Variants in CNGA2 observed in about 807,000 individuals in gnomAD.
CNGA2 encodes cyclic nucleotide gated channel subunit alpha 2.
CNGA2 carries 22 observed loss-of-function variants against 35.9 expected under a neutral mutation model. The ratio of observed to expected loss-of-function variants is 0.61; its 90% CI spans 0.44 to 0.88. The LOEUF is 0.88. Ranked by LOEUF, CNGA2 falls within the 40% of genes least tolerant of loss-of-function variation. CNGA2 has a pLI of 0.00. For missense variants in CNGA2, 555 were observed against 530.8 expected (o/e 1.05, Z -0.45); for synonymous variants, 217 against 209.2 (o/e 1.04, Z -0.32).
In CNGA2 at chrX:151,743,248, C is replaced by T. The variant is rs780670790; in HGVS notation, c.745C>T (p.Arg249Cys). ...DIHSPEVRFN[R>C]LLHFARMFEF... ...CCACAGCCCTGAGGTGCGCTTCAAC[C>T]GCCTGCTGCACTTTGCCCGCATGTT... The change falls in exon 7 of 7, where the codon CGC becomes TGC. Residue 249 changes from arginine to cysteine, a missense_variant. By Grantham distance (180) the Arg-to-Cys change is radical (BLOSUM62 -3). Coordinates refer to ENST00000329903, the MANE Select transcript of CNGA2 (RefSeq NM_005140.3). 4.2e-6 allele frequency: 5 copies of T among 1,202,742 alleles called. No homozygotes were observed. The highest frequency in any genetic ancestry group is 2.3e-4 in the Middle Eastern group (1 of 4,366).
intron 1 of CNGA2, among the ~76,000 whole-genome samples, chrX:151,737,307 G>A (rs770710639): frequency 8.9e-6 from 1 of 112,245 alleles, no homozygotes; most frequent in Non-Finnish European, 1.9e-5. Flanking sequence ...GAGACACTGT[G>A]GGACACAATC....
chrX:151,740,306 A>G (rs1020599594), intron 4 of CNGA2, among the ~76,000 whole-genome samples: 14 of 112,550 alleles, frequency 1.2e-4, no homozygotes, highest in Non-Finnish European at 2.4e-4. Context: ...AGCAGGACAC[A>G]ACATCTGGGG....
intron 5 of CNGA2, among the ~76,000 whole-genome samples, chrX:151,741,836 C>T (rs2015307161): frequency 8.9e-6 from 1 of 112,358 alleles, no homozygotes; most frequent in Admixed American, 9.3e-5. Context: ...TGGGCCAGCT[C>T]TGCAGTCTCA....
chrX:151,742,460 G>A (rs1167166828), intron 5 of CNGA2, 76 bp from the exon 6 acceptor site: 2 of 755,592 alleles, frequency 2.6e-6, no homozygotes, highest in Non-Finnish European at 4.0e-6. Flanking sequence ...CCTGCACACA[G>A]TGAACACTCA....
rs144923757 is a variant in CNGA2, at chrX:151,738,784, C to T, written c.111-3C>T. ...TGGGTCAATTCTGCTCTTTTTTCTG[C>T]AGGCCACACTCTGCAGCTGACGATG... On this transcript the variant is annotated splice_region_variant and splice_polypyrimidine_tract_variant and intron_variant, in intron 2 of 6. Transcript: ENST00000329903. The T allele has an allele frequency of 2.6e-4, 299 of 1,161,026 alleles. 1 individual carries two copies. The African/African-American group carries it at 4.5e-3, about 17-fold the overall frequency.
In CNGA2 at chrX:151,740,889, T is replaced by C; in HGVS notation, c.470T>C (p.Leu157Pro). The part of the protein sequence containing the change: ...IAMPVLYNWC[L>P]LVARACFSDL... ...ATGCCCGTCCTTTACAACTGGTGCC[T>C]GCTGGTGGCCAGGTGAGCAGGGTGG... Residue 157 changes from leucine (L) to proline (P), a missense_variant, in exon 5 of 7, where the codon CTG (leucine) becomes CCG (proline). By Grantham distance (98) the Leu-to-Pro change is moderately conservative (BLOSUM62 -3). Coordinates refer to ENST00000329903, the MANE Select transcript of CNGA2 (RefSeq NM_005140.3). 8.3e-7 allele frequency: 1 copy of C among 1,209,481 alleles called. No homozygotes were observed. The highest frequency in any genetic ancestry group is 1.1e-6 in the Non-Finnish European group (1 of 893,584).
At position 151,744,507 on chromosome X, in the gene CNGA2, G is replaced by A. The variant is rs1160170580; in HGVS notation, c.*9G>A. 8.7e-7 allele frequency: 1 copy of A among 1,147,114 alleles called. No homozygotes were observed. The highest frequency in any genetic ancestry group is 2.0e-5 in the South Asian group (1 of 49,030). 94.5% of individuals were successfully genotyped at this position (1,147,114 alleles called of 1,213,427 possible). On this transcript the variant is annotated 3_prime_UTR_variant, in exon 7 of 7. Coordinates refer to ENST00000329903, the MANE Select transcript of CNGA2 (RefSeq NM_005140.3). ...CTGCTGACGAGCCATAAGACCTGGGGCCCAACTGCCTCTCCAGCATTGGCC... is the reference window on the plus strand; with the variant it reads ...CTGCTGACGAGCCATAAGACCTGGGACCCAACTGCCTCTCCAGCATTGGCC...
Position 151,744,271 on chromosome X carries a change from G to T in CNGA2, c.1768G>T (p.Ala590Ser), listed in dbSNP as rs187775416. ...KEGLLDENEV[A>S]TSMEVDVQEK... is the part of the protein sequence containing the mutation. ...GGGACTGCTGGATGAGAACGAAGTG[G>T]CAACCAGCATGGAGGTCGACGTGCA... The change falls in exon 7 of 7, where the codon GCA (alanine) becomes TCA (serine). Residue 590 changes from alanine (A) to serine (S), a missense_variant. By Grantham distance (99) the Ala-to-Ser change is moderately conservative (BLOSUM62 1). Transcript: ENST00000329903. 151 of 1,208,120 alleles carry T rather than the reference G, an allele frequency of 1.2e-4. 1 individual carries two copies. In the East Asian group the frequency reaches 3.1e-3, roughly 25 times the overall value.
intron 1 of CNGA2, among the ~76,000 whole-genome samples, chrX:151,737,089 A>G (rs761487734): frequency 9.0e-6 from 1 of 111,714 alleles, no homozygotes; most frequent in East Asian, 2.8e-4. Flanking sequence ...CGTGCCTGCC[A>G]TCGCCATGGT....
chrX:151,742,775 T>C (rs1336874231), intron 6 of CNGA2, 133 bp downstream of exon 6: 5 of 439,262 alleles, frequency 1.1e-5, no homozygotes, highest in African/African-American at 7.9e-5. Flanking sequence ...TTGAACCTCA[T>C]GGTCCCACAT....
intron 1 of CNGA2, among the ~76,000 whole-genome samples, chrX:151,737,566 T>C (rs944118804): frequency 1.6e-4 from 18 of 111,030 alleles, no homozygotes; most frequent in African/African-American, 5.3e-4. Context: ...TTGGGCTCCA[T>C]TGGTACTCTT....
intron 1 of CNGA2, 33 bp from the exon 2 acceptor site, chrX:151,738,425 C>A: frequency 1.0e-6 from 1 of 990,595 alleles, no homozygotes; most frequent in Non-Finnish European, 1.4e-6. Flanking sequence ...TCAGGGTCCT[C>A]TGTGACCTTC....
In CNGA2 at chrX:151,743,122, G is replaced by T. The variant is rs2015333545; in HGVS notation, c.619G>T (p.Asp207Tyr). ...GFLEQGLLVK[D>Y]TKKLRDNYIH... is the part of the protein sequence containing the mutation. ...CCTGGAGCAGGGGCTGCTGGTCAAAGATACCAAGAAACTGCGAGACAACTA... is the reference window on the plus strand; with the variant it reads ...CCTGGAGCAGGGGCTGCTGGTCAAATATACCAAGAAACTGCGAGACAACTA... The change falls in exon 7 of 7, where the codon GAT (aspartate) becomes TAT (tyrosine). Residue 207 changes from aspartate to tyrosine, a missense_variant. By Grantham distance (160) the Asp-to-Tyr change is radical. Transcript: ENST00000329903. 1 of 1,185,980 alleles carries T rather than the reference G, an allele frequency of 8.4e-7. No homozygotes were observed. Among genetic ancestry groups the T allele is most frequent in the Admixed American group, 2.3e-5 (1 of 43,446 alleles).
intron 4 of CNGA2, 46 bp downstream of exon 4, chrX:151,739,778 A>C (rs1251685042): frequency 8.5e-7 from 1 of 1,170,170 alleles, no homozygotes; most frequent in East Asian, 3.0e-5. Context: ...TTAAGCATGC[A>C]ATGGAAGAGC....
chrX:151,739,459 C>A, intron 3 of CNGA2, 103 bp from the exon 4 acceptor site: 1 of 882,576 alleles, frequency 1.1e-6, no homozygotes, highest in Non-Finnish European at 1.6e-6. Flanking sequence ...TTTCACTGTC[C>A]TTCTTTCATC....
rs183702503 is a variant in CNGA2 at position 151,739,327 on chromosome X, C to T, written c.204-235C>T. ...GATGGCACTTCCTATAGGAAGTCTT[C>T]CCAGGACAGCAGTCTCCCCCTGGAC... is the stretch of plus-strand genomic sequence containing the variant. On this transcript the variant is annotated intron_variant, in intron 3 of 6. Transcript: ENST00000329903. 2.1e-3 allele frequency among the ~76,000 whole-genome samples: 237 copies of T among 112,432 alleles called. 1 individual carries two copies. The highest frequency in any genetic ancestry group is 7.1e-3 in the African/African-American group (221 of 30,976).
At chrX:151,742,266 G>A (rs980787579) in intron 5 of CNGA2, among the ~76,000 whole-genome samples, 3 of 112,218 alleles carry the variant, frequency 2.7e-5, no homozygotes, top group Non-Finnish European at 3.8e-5. Flanking sequence ...ATGACTAAGA[G>A]GGGTCCCTGC....
chrX:151,741,461 C>T (rs1374641304), intron 5 of CNGA2, among the ~76,000 whole-genome samples: 1 of 112,239 alleles, frequency 8.9e-6, no homozygotes, highest in Admixed American at 9.4e-5. Context: ...GTCCCAATCC[C>T]AGTCATTCAT....
Position 151,740,918 on chromosome X carries a change from C to A in CNGA2, c.482+17C>A. 6.0e-6 allele frequency: 7 copies of A among 1,175,305 alleles called. No homozygotes were observed. The African/African-American group carries it at 7.0e-5, about 12-fold the overall frequency. On this transcript the variant is annotated intron_variant, in intron 5 of 6. Transcript: ENST00000329903. ...GGTGGCCAGGTGAGCAGGGTGGGGC[C>A]CAGGAGGGGTGGCCAAAGCAACCCA...
Sources: gnomAD v4.1 joint callset for allele counts (sites outside exome capture counted in the v4.1 genomes callset) on GRCh38, gnomAD v4.1.1 for gene constraint, MANE v1.5 for transcripts, NCBI Gene and HGNC (gene_info 2026-07-23, HGNC 2026-07-21) for gene names.